The following MCCC1 variants were observed in gnomAD, a reference collection of about 807,000 sequenced individuals.
MCCC1 encodes methylcrotonyl-CoA carboxylase subunit 1.
A neutral mutation model predicts 83.8 loss-of-function variants in MCCC1; 64 were observed. The observed-to-expected ratio is 0.76, with a 90% CI of 0.62 to 0.94. MCCC1 has a LOEUF of 0.94. Among genes scored for constraint, MCCC1 ranks in the 40% least tolerant of loss-of-function variants. The probability of loss-of-function intolerance (pLI) is 0.00; values close to 1 mark genes in which losing one functional copy is unlikely to be tolerated. For synonymous variants in MCCC1, 322 were observed against 315.4 expected (o/e 1.02, Z -0.22); for missense variants, 807 against 904.7 (o/e 0.89, Z 1.39).
Position 183,047,503 on chromosome 3 carries a change from T to A in MCCC1, c.956-1963A>T, listed in dbSNP as rs556796735. Reference sequence around the variant, plus strand: ...TTGAAGAGACTGAAGAAGCATCAGGTATGGCAGGAATGTTAGAATTATCAG... The same window carrying A: ...TTGAAGAGACTGAAGAAGCATCAGGAATGGCAGGAATGTTAGAATTATCAG... On this transcript the variant is annotated intron_variant, in intron 9 of 18. Coordinates refer to ENST00000265594, the MANE Select transcript of MCCC1 (RefSeq NM_020166.5). Among the ~76,000 whole-genome samples, 7 of 152,112 alleles carry A rather than the reference T, an allele frequency of 4.6e-5. No homozygotes were observed. In the South Asian group the frequency reaches 1.5e-3, roughly 32 times the overall value.
intron 6 of MCCC1, 24 bp downstream of exon 6, chr3:183,071,186 A>C: frequency 6.2e-7 from 1 of 1,614,164 alleles, no homozygotes; most frequent in Non-Finnish European, 8.5e-7. Context: ...CTGAATTGGC[A>C]AACACAAGCA....
At chr3:183,088,588 C>T (rs1718090566) in intron 3 of MCCC1, among the ~76,000 whole-genome samples, 1 of 152,134 alleles carries the variant, frequency 6.6e-6, no homozygotes, top group Non-Finnish European at 1.5e-5. Flanking sequence ...GCAAAGTAGC[C>T]CTTTGGTACT....
intron 14 of MCCC1, among the ~76,000 whole-genome samples, chr3:183,030,095 G>A (rs1712929554): frequency 6.6e-6 from 1 of 152,114 alleles, no homozygotes; most frequent in Non-Finnish European, 1.5e-5. Context: ...ATAGCCTGAG[G>A]TCAGGAATTC....
At chr3:183,057,695 T>G (rs1715526109) in intron 7 of MCCC1, among the ~76,000 whole-genome samples, 1 of 152,104 alleles carries the variant, frequency 6.6e-6, no homozygotes, top group African/African-American at 2.4e-5. Context: ...CTGGGCAACA[T>G]GGTGAAACCC....
chr3:183,063,344 T>TTC (rs10637737), intron 7 of MCCC1, among the ~76,000 whole-genome samples: 136,099 of 152,056 alleles, frequency 0.9, 61,301 homozygotes, highest in East Asian at 1. Flanking sequence ...GAAATCTGAT[T>TTC]TGTTTTTTCT....
chr3:183,033,874 G>A, intron 14 of MCCC1, 117 bp downstream of exon 14: 3 of 746,032 alleles, frequency 4.0e-6, no homozygotes, highest in East Asian at 2.6e-5. Context: ...CCAATGTTTA[G>A]CCTAGGCATT....
At chr3:183,044,974 C>T (rs971890012) in intron 10 of MCCC1, among the ~76,000 whole-genome samples, 1 of 151,970 alleles carries the variant, frequency 6.6e-6, no homozygotes, top group South Asian at 2.1e-4. Context: ...ATGTTTGCTA[C>T]ATGGGTATTT....
chr3:183,052,584 G>A (rs370361424), intron 8 of MCCC1, among the ~76,000 whole-genome samples: 16 of 152,134 alleles, frequency 1.1e-4, no homozygotes, highest in African/African-American at 2.2e-4. Flanking sequence ...TGAGGCGGGC[G>A]GATCACAAGG....
rs143374442 is a variant in MCCC1 at position 183,071,156 on chromosome 3, A to G, written c.640-36T>C. ...AAAGATGATTATGACTACAACATAA[A>G]TAAAACAAAGAAGACAAGCCTGAAT... On this transcript the variant is annotated intron_variant, in intron 6 of 18. Coordinates refer to ENST00000265594, the MANE Select transcript of MCCC1 (RefSeq NM_020166.5). 1,128 of 1,614,218 alleles carry G rather than the reference A, an allele frequency of 7.0e-4. 2 individuals carry two copies. Among genetic ancestry groups the G allele is most frequent in the Non-Finnish European group, 8.2e-4 (963 of 1,180,038 alleles).
intron 1 of MCCC1, among the ~76,000 whole-genome samples, chr3:183,097,081 C>A (rs1276058192): frequency 6.6e-6 from 1 of 152,200 alleles, no homozygotes; most frequent in Non-Finnish European, 1.5e-5. Context: ...ACTATCCCAA[C>A]AATGTTCTGA....
chr3:183,110,457 G>A (rs11921884), intron 1 of MCCC1, among the ~76,000 whole-genome samples: 2 of 149,604 alleles, frequency 1.3e-5, no homozygotes, highest in Admixed American at 6.7e-5. Context: ...GCAGTGCCGC[G>A]ATCTCAGCTC....
chr3:183,088,586 G>C (rs1469663165), intron 3 of MCCC1, among the ~76,000 whole-genome samples: 1 of 152,156 alleles, frequency 6.6e-6, no homozygotes, highest in African/African-American at 2.4e-5. Flanking sequence ...ACGCAAAGTA[G>C]CCCTTTGGTA....
At chr3:183,111,801 T>C (rs1245138465) in intron 1 of MCCC1, among the ~76,000 whole-genome samples, 4 of 152,304 alleles carry the variant, frequency 2.6e-5, no homozygotes, top group Admixed American at 2.6e-4. Context: ...AATTTGAACC[T>C]GTGCCTCAGT....
chr3:183,081,906 G>C (rs1211025399), intron 4 of MCCC1, among the ~76,000 whole-genome samples: 1 of 152,186 alleles, frequency 6.6e-6, no homozygotes, highest in Non-Finnish European at 1.5e-5. Context: ...TGCCCAGAGA[G>C]AGAAAGAGTT....
upstream of MCCC1, among the ~76,000 whole-genome samples, chr3:183,100,733 T>C (rs959233391): frequency 6.6e-6 from 1 of 152,248 alleles, no homozygotes; most frequent in Non-Finnish European, 1.5e-5. Flanking sequence ...GACAGCGTGC[T>C]GGCAGTCCTC....
At chr3:183,092,283 C>G (rs769451649) in intron 3 of MCCC1, 126 bp downstream of exon 3, 21 of 1,107,684 alleles carry the variant, frequency 1.9e-5, no homozygotes, top group Non-Finnish European at 2.8e-5. Context: ...TAGCAGTGAG[C>G]AGTTTGAACT....
At chr3:183,017,182 T>C in intron 18 of MCCC1, 84 bp downstream of exon 18, 2 of 1,212,390 alleles carry the variant, frequency 1.6e-6, no homozygotes, top group Non-Finnish European at 2.4e-6. Flanking sequence ...TAAGGTGGTA[T>C]TAACTTACAA....
At chr3:183,099,326 CA>C in intron 1 of MCCC1, 25 bp downstream of exon 1, 2 of 1,576,546 alleles carry the variant, frequency 1.3e-6, no homozygotes, top group Non-Finnish European at 8.6e-7. Context: ...CGCCTCTGCC[CA>C]CTGAGCCATG....
At chr3:183,055,996 T>A (rs1369515711) in intron 8 of MCCC1, among the ~76,000 whole-genome samples, 1 of 152,192 alleles carries the variant, frequency 6.6e-6, no homozygotes, top group Non-Finnish European at 1.5e-5. Context: ...TGCCTAATGA[T>A]TATCTTAAAA....
Sources: allele counts gnomAD v4.1 joint callset (sites outside exome capture counted in the v4.1 genomes callset), GRCh38; gene constraint gnomAD v4.1.1; transcripts MANE v1.5; gene names NCBI Gene and HGNC (gene_info 2026-07-23, HGNC 2026-07-21).